Variants in USP34 observed in about 807,000 individuals in gnomAD.
USP34 encodes the protein ubiquitin specific peptidase 34.
In USP34, 70 loss-of-function variants were observed where a neutral mutation model predicts 460.3. The observed-to-expected ratio is 0.15, with a 90% CI of 0.13 to 0.19. The LOEUF (loss-of-function observed/expected upper bound fraction) is 0.19, where lower values mean the gene tolerates loss of function less well. USP34 is among the 10% of genes least tolerant of loss of function. USP34 has a pLI of 1.00. For missense variants in USP34, 3,985 were observed against 4,236.2 expected (o/e 0.94, Z 1.65); for synonymous variants, 1,647 against 1,405.3 (o/e 1.17, Z -3.85).
chr2:61,429,070 G>A (rs943902065), intron 1 of USP34, among the ~76,000 whole-genome samples: 2 of 152,156 alleles, frequency 1.3e-5, no homozygotes, highest in East Asian at 1.9e-4. Flanking sequence ...GGAAGAAAAG[G>A]AGGGAGGATT....
chr2:61,432,725 T>A (rs1694711988), intron 1 of USP34, among the ~76,000 whole-genome samples: 2 of 151,566 alleles, frequency 1.3e-5, no homozygotes, highest in South Asian at 4.2e-4. Context: ...AGACAATGGA[T>A]AAGGTAAGGT....
chr2:61,443,702 G>A (rs1405371008), intron 1 of USP34, among the ~76,000 whole-genome samples: 1 of 152,184 alleles, frequency 6.6e-6, no homozygotes, highest in Non-Finnish European at 1.5e-5. Context: ...AGGGCACACA[G>A]GATTTTAGGG....
At chr2:61,226,980 AG>A (rs1200748484) in intron 62 of USP34, 86 bp downstream of exon 62, 1 of 1,411,254 alleles carries the variant, frequency 7.1e-7, no homozygotes, top group Non-Finnish European at 9.4e-7. Flanking sequence ...TATAATAAAA[AG>A]CTAGTGGAAA....
intron 35 of USP34, among the ~76,000 whole-genome samples, chr2:61,283,883 T>G (rs981080183): frequency 6.6e-6 from 1 of 151,510 alleles, no homozygotes; most frequent in Non-Finnish European, 1.5e-5. Flanking sequence ...GTCAAACTCA[T>G]TGAAGAAGAG....
In USP34 at chr2:61,470,748, C is replaced by T; in HGVS notation, c.-56G>A. On this transcript the variant is annotated 5_prime_UTR_variant, in exon 1 of 80. Coordinates refer to ENST00000398571, the MANE Select transcript of USP34 (RefSeq NM_014709.4). ...TTCGGATCACACTGACTGATCCCGACCGGCGGGGGGGAGGGGAGAGAGGCG... is the reference window on the plus strand; with the variant it reads ...TTCGGATCACACTGACTGATCCCGATCGGCGGGGGGGAGGGGAGAGAGGCG... The T allele has an allele frequency of 1.3e-6, 2 of 1,491,258 alleles. No homozygotes were observed. Among genetic ancestry groups the T allele is most frequent in the Non-Finnish European group, 9.1e-7 (1 of 1,093,980 alleles). 92.4% of individuals were successfully genotyped at this position (1,491,258 alleles called of 1,614,324 possible).
chr2:61,418,741 G>C (rs973349789), intron 2 of USP34, among the ~76,000 whole-genome samples: 4 of 152,176 alleles, frequency 2.6e-5, no homozygotes, highest in Non-Finnish European at 2.9e-5. Context: ...TTCACTACAA[G>C]GCACTGTGAT....
intron 29 of USP34, among the ~76,000 whole-genome samples, chr2:61,299,773 A>C (rs988297009): frequency 6.6e-6 from 1 of 152,052 alleles, no homozygotes; most frequent in African/African-American, 2.4e-5. Flanking sequence ...AATAATAATA[A>C]AATAAATGGC....
intron 1 of USP34, among the ~76,000 whole-genome samples, chr2:61,436,163 T>C (rs1395577151): frequency 6.6e-6 from 1 of 151,958 alleles, no homozygotes; most frequent in African/African-American, 2.4e-5. Context: ...ACCATGTCTG[T>C]ACTAAAAATA....
At chr2:61,383,440 C>G (rs1693036560) in intron 5 of USP34, 104 bp from the exon 6 acceptor site, 1 of 784,728 alleles carries the variant, frequency 1.3e-6, no homozygotes, top group African/African-American at 1.8e-5. Context: ...CACGGTCGCT[C>G]ACGCCTGTAA....
chr2:61,211,957 C>G, intron 68 of USP34, 28 bp from the exon 69 acceptor site: 2 of 1,582,052 alleles, frequency 1.3e-6, no homozygotes, highest in Non-Finnish European at 1.7e-6. Context: ...GCCATATGAT[C>G]TTTTAACCCT....
At chr2:61,232,065 G>A (rs1248581582) in intron 58 of USP34, among the ~76,000 whole-genome samples, 2 of 152,058 alleles carry the variant, frequency 1.3e-5, no homozygotes, top group Non-Finnish European at 2.9e-5. Flanking sequence ...CCCAATCACA[G>A]AAATAAGTTA....
Position 61,187,508 on chromosome 2 carries a change from T to TAG in USP34, c.*593_*594insCT. 3.7e-4 allele frequency: 21 copies of TAG among 57,308 alleles called. No individual in the cohort carries two copies. The highest frequency in any genetic ancestry group is 4.3e-4 in the Non-Finnish European group (21 of 48,918). The allele number at this position is 57,308 out of a possible 1,614,324, so 3.5% of individuals were successfully genotyped here. A position where few individuals can be genotyped will look rare whatever the true frequency, so the allele number is the denominator to read the frequency against. On this transcript the variant is annotated 3_prime_UTR_variant, in exon 80 of 80. Coordinates refer to ENST00000398571, the MANE Select transcript of USP34 (RefSeq NM_014709.4). ...TTTAATTAAGTGCACAGAATAGCAA[T>TAG]CAATCAATCAGTCATGTCAATAAAA...
At chr2:61,220,252 G>C in intron 67 of USP34, 58 bp downstream of exon 67, 1 of 1,334,838 alleles carries the variant, frequency 7.5e-7, no homozygotes, top group Non-Finnish European at 9.8e-7. Flanking sequence ...AAAACAAAAT[G>C]AAACATAACT....
At chr2:61,315,330 T>G (rs1238507048) in intron 23 of USP34, among the ~76,000 whole-genome samples, 2 of 151,920 alleles carry the variant, frequency 1.3e-5, no homozygotes, top group Admixed American at 1.3e-4. Context: ...CTTTCTTGTA[T>G]TCACAGAAAA....
At chr2:61,280,787 T>G (rs1689512634) in intron 38 of USP34, among the ~76,000 whole-genome samples, 1 of 152,178 alleles carries the variant, frequency 6.6e-6, no homozygotes, top group South Asian at 2.1e-4. Flanking sequence ...AGAGCTCCAT[T>G]TATGATTTTT....
At chr2:61,449,044 C>G (rs1695195273) in intron 1 of USP34, among the ~76,000 whole-genome samples, 1 of 152,020 alleles carries the variant, frequency 6.6e-6, no homozygotes, top group Non-Finnish European at 1.5e-5. Context: ...ATCATCCCAG[C>G]TACTCTGGAG....
At chr2:61,306,781 G>C (rs1189877122) in intron 27 of USP34, among the ~76,000 whole-genome samples, 3 of 152,124 alleles carry the variant, frequency 2.0e-5, no homozygotes, top group Admixed American at 2.0e-4. Flanking sequence ...TCTCACACCA[G>C]TTAGAATGGC....
chr2:61,424,547 T>G (rs1376009300), intron 1 of USP34, among the ~76,000 whole-genome samples: 2 of 152,168 alleles, frequency 1.3e-5, no homozygotes, highest in African/African-American at 4.8e-5. Flanking sequence ...CACGAGAATG[T>G]TAACATTTCT....
intron 18 of USP34, among the ~76,000 whole-genome samples, chr2:61,338,977 TTAAG>T (rs1236721524): frequency 2.0e-5 from 3 of 152,210 alleles, no homozygotes; most frequent in Non-Finnish European, 4.4e-5. Flanking sequence ...ATGTTGTAGC[TTAAG>T]TAAAATTTCA....
Sources: allele counts gnomAD v4.1 joint callset (sites outside exome capture counted in the v4.1 genomes callset), GRCh38; gene constraint gnomAD v4.1.1; transcripts MANE v1.5; gene names NCBI Gene and HGNC (gene_info 2026-07-23, HGNC 2026-07-21).